Variants in BCLAF3 observed in about 807,000 individuals in gnomAD.
BCLAF3 encodes transient octamer binding factor 1.
Under a neutral mutation model 51.2 loss-of-function variants are expected in BCLAF3, and 24 were observed. That is an observed-to-expected ratio of 0.47 (90% CI 0.34 to 0.66). The LOEUF (loss-of-function observed/expected upper bound fraction) is 0.66. BCLAF3 is among the 30% of genes least tolerant of loss of function. BCLAF3 has a pLI of 0.01. For missense variants in BCLAF3, 465 were observed against 525.1 expected, an observed-to-expected ratio of 0.89 and a Z score of 1.12; for synonymous variants, 152 against 176.6, an observed-to-expected ratio of 0.86 and a Z score of 1.10.
At chrX:19,944,858 C>A (rs1156662324) in intron 8 of BCLAF3, among the ~76,000 whole-genome samples, 3 of 90,736 alleles carry the variant, frequency 3.3e-5, no homozygotes, top group Non-Finnish European at 4.2e-5. Context: ...TGGATAATAT[C>A]CTGCAGAGTG....
At position 19,944,629 on chromosome X, in the gene BCLAF3, T is replaced by G. The variant is rs1190918267; in HGVS notation, c.1745+6124A>C. Among the ~76,000 whole-genome samples the G allele has an allele frequency of 9.4e-5, 8 of 85,320 alleles. No individual in the cohort carries two copies. The South Asian group carries it at 2.8e-3, about 30-fold the overall frequency. The allele number at this position is 85,320 out of a possible 115,157, so 74.1% of individuals were successfully genotyped here. ...CCACTCTCTTCTGGTTTGTAGGGTT[T>G]CTGCTGAGAGATCCGCTGTTAGTCT... On this transcript the variant is annotated intron_variant, in intron 8 of 11. Coordinates refer to ENST00000379682, the MANE Select transcript of BCLAF3 (RefSeq NM_001367774.2).
chrX:19,922,895 C>CA (rs1290950004), intron 11 of BCLAF3, among the ~76,000 whole-genome samples: 55 of 95,180 alleles, frequency 5.8e-4, no homozygotes, highest in East Asian at 6.3e-4. Context: ...GACTCCATCT[C>CA]AAAAAAAAAA....
intron 8 of BCLAF3, among the ~76,000 whole-genome samples, chrX:19,940,549 C>A (rs947483719): frequency 6.3e-5 from 7 of 110,805 alleles, no homozygotes; most frequent in African/African-American, 2.3e-4. Flanking sequence ...CGATAATTTA[C>A]TGAGAATGAT....
intron 1 of BCLAF3, among the ~76,000 whole-genome samples, chrX:19,975,420 T>C (rs1157031822): frequency 9.2e-6 from 1 of 108,817 alleles, no homozygotes; most frequent in African/African-American, 3.4e-5. Context: ...CTCGGCTCAC[T>C]GCAACCTCCA....
At chrX:19,957,925 C>A (rs1484268779) in intron 4 of BCLAF3, among the ~76,000 whole-genome samples, 1 of 111,806 alleles carries the variant, frequency 8.9e-6, no homozygotes, top group Non-Finnish European at 1.9e-5. Flanking sequence ...ATGTAATCAT[C>A]TTTTGGTTCA....
intron 3 of BCLAF3, 116 bp downstream of exon 3, chrX:19,965,964 C>T (rs1296718129): frequency 2.1e-5 from 15 of 717,499 alleles, no homozygotes; most frequent in Admixed American, 6.9e-5. Flanking sequence ...AATTACAATG[C>T]TTTTTGTCTT....
chrX:19,936,056 G>A (rs2070744772), intron 9 of BCLAF3, among the ~76,000 whole-genome samples, 158 bp from the exon 10 acceptor site: 1 of 111,801 alleles, frequency 8.9e-6, no homozygotes, highest in South Asian at 3.8e-4. Flanking sequence ...TCTCCTCCTT[G>A]ACCCATGCTA....
intron 8 of BCLAF3, among the ~76,000 whole-genome samples, chrX:19,941,235 GA>G (rs1325661317): frequency 9.3e-5 from 10 of 107,808 alleles, no homozygotes; most frequent in African/African-American, 3.2e-4. Flanking sequence ...TGTTCACTCT[GA>G]TGGTAGTTTC....
At chrX:19,983,899 T>G (rs1323350135) in intron 1 of BCLAF3, among the ~76,000 whole-genome samples, 1 of 104,432 alleles carries the variant, frequency 9.6e-6, no homozygotes, top group African/African-American at 3.5e-5. Flanking sequence ...TGAAACCCCG[T>G]CTCCGCTAAA....
chrX:19,959,621 A>T (rs2071783902), intron 4 of BCLAF3, among the ~76,000 whole-genome samples: 1 of 107,420 alleles, frequency 9.3e-6, no homozygotes, highest in Non-Finnish European at 1.9e-5. Context: ...AAAAATAAAA[A>T]AAAAAAAATA....
intron 1 of BCLAF3, among the ~76,000 whole-genome samples, chrX:19,973,317 T>G (rs748487476): frequency 8.9e-5 from 10 of 112,022 alleles, no homozygotes; most frequent in African/African-American, 3.2e-4. Flanking sequence ...AGTTTAAACT[T>G]GTTTTAAAAA....
chrX:19,954,161 G>GGCTCTCTCA (rs1005826661), intron 5 of BCLAF3: 2 of 752,218 alleles, frequency 2.7e-6, no homozygotes, highest in African/African-American at 4.6e-5. Flanking sequence ...AAAAGACAAT[G>GGCTCTCTCA]GCTCTCTCAA....
intron 1 of BCLAF3, among the ~76,000 whole-genome samples, chrX:19,977,049 C>T (rs1178304870): frequency 9.0e-6 from 1 of 111,564 alleles, no homozygotes. Flanking sequence ...ATGAACCATG[C>T]CCTTATAAGA....
At chrX:19,987,067 A>G (rs1348940871) in intron 1 of BCLAF3, among the ~76,000 whole-genome samples, 1 of 110,440 alleles carries the variant, frequency 9.1e-6, no homozygotes, top group African/African-American at 3.3e-5. Flanking sequence ...CAGCCTCCCA[A>G]AGTGCTGGGA....
intron 11 of BCLAF3, among the ~76,000 whole-genome samples, chrX:19,920,946 T>C (rs2070133346): frequency 9.0e-6 from 1 of 111,581 alleles, no homozygotes; most frequent in African/African-American, 3.3e-5. Context: ...GGGGCTTTGA[T>C]ATGATTTACA....
chrX:19,915,140 T>C lies in BCLAF3; in HGVS notation c.*2165A>G, dbSNP rs751751630. 1 of 111,565 alleles carries C rather than the reference T, an allele frequency of 9.0e-6. No individual in the cohort carries two copies. Among genetic ancestry groups the C allele is most frequent in the Admixed American group, 9.6e-5 (1 of 10,431 alleles). 9.2% of individuals were successfully genotyped at this position (111,565 alleles called of 1,213,427 possible). On this transcript the variant is annotated 3_prime_UTR_variant, in exon 12 of 12. Coordinates refer to ENST00000379682, the MANE Select transcript of BCLAF3 (RefSeq NM_001367774.2). ...AAAAAACTTCTCTTCTCAAGTCTTA[T>C]GCATTCAAGAAGTCAAATTCTTTCC...
intron 3 of BCLAF3, 82 bp downstream of exon 3, chrX:19,965,998 G>T (rs975208961): frequency 3.3e-6 from 3 of 905,487 alleles, no homozygotes; most frequent in Non-Finnish European, 3.1e-6. Context: ...TTTTCAAGGT[G>T]GTTATCTTCA....
At chrX:19,935,788 A>G in intron 10 of BCLAF3, 21 bp downstream of exon 10, 1 of 1,158,545 alleles carries the variant, frequency 8.6e-7, no homozygotes, top group Non-Finnish European at 1.2e-6. Context: ...CTGGAATTAA[A>G]TGGAAAACAA....
chrX:19,971,526 G>A (rs1169695281), intron 1 of BCLAF3, among the ~76,000 whole-genome samples: 1 of 112,416 alleles, frequency 8.9e-6, no homozygotes, highest in African/African-American at 3.2e-5. Context: ...AATTTTAAAA[G>A]GCACTTCTAA....
Sources: gnomAD v4.1 joint callset for allele counts (sites outside exome capture counted in the v4.1 genomes callset) on GRCh38, gnomAD v4.1.1 for gene constraint, MANE v1.5 for transcripts, NCBI Gene and HGNC (gene_info 2026-07-23, HGNC 2026-07-21) for gene names.